RPS6KC1: variants seen among roughly 807,000 people sequenced by gnomAD.
The protein encoded by RPS6KC1 is ribosomal protein S6 kinase C1.
In RPS6KC1, 54 loss-of-function variants were observed where a neutral mutation model predicts 103.8. The ratio of observed to expected loss-of-function variants is 0.52; its 90% confidence interval spans 0.42 to 0.65. The LOEUF is 0.65. Among genes scored for constraint, RPS6KC1 ranks in the 30% least tolerant of loss-of-function variants. The pLI, the probability that RPS6KC1 is intolerant of heterozygous loss-of-function variation, is 0.00. For missense variants in RPS6KC1, 1,151 were observed against 1,253.8 expected (o/e 0.92, Z 1.24); for synonymous variants, 439 against 438.7 (o/e 1.00, Z -0.01).
chr1:213,059,244 A>C (rs1390904279), intron 1 of RPS6KC1, among the ~76,000 whole-genome samples: 1 of 152,220 alleles, frequency 6.6e-6, no homozygotes, highest in Non-Finnish European at 1.5e-5. Context: ...ACTTTTTAGT[A>C]GAATTCTTGG....
the RPS6KC1 span, among the ~76,000 whole-genome samples, chr1:213,601,160 G>C: frequency 6.6e-6 from 1 of 152,004 alleles, no homozygotes; most frequent in Non-Finnish European, 1.5e-5. Flanking sequence ...ACAAAGATCT[G>C]ATTCAATCAA....
At chr1:213,684,494 TG>T in the RPS6KC1 span, among the ~76,000 whole-genome samples, 1 of 152,156 alleles carries the variant, frequency 6.6e-6, no homozygotes, top group East Asian at 1.9e-4. Context: ...TCTCAACCCC[TG>T]TAGTTGTTTT....
At chr1:213,426,472 A>G in the RPS6KC1 span, among the ~76,000 whole-genome samples, 1 of 152,176 alleles carries the variant, frequency 6.6e-6, no homozygotes, top group Non-Finnish European at 1.5e-5. Flanking sequence ...TTCCCCCGTA[A>G]CTAGAGTAGC....
the RPS6KC1 span, among the ~76,000 whole-genome samples, chr1:213,476,649 T>G: frequency 1.2e-4 from 18 of 152,200 alleles, no homozygotes; most frequent in African/African-American, 3.6e-4. Flanking sequence ...ATGTTTTAAC[T>G]CAGCCAGAGA....
chr1:213,261,537 A>G (rs748763452), intron 12 of RPS6KC1, 21 bp from the exon 13 acceptor site: 2 of 1,608,898 alleles, frequency 1.2e-6, no homozygotes, highest in South Asian at 2.2e-5. Context: ...TTTTAATATC[A>G]ACCTTTTTTG....
intron 8 of RPS6KC1, chr1:213,205,194 C>T (rs1278648935): frequency 1.0e-6 from 1 of 959,834 alleles, no homozygotes; most frequent in Non-Finnish European, 1.2e-6. Flanking sequence ...AAGTTGCTAT[C>T]ACAATGTACT....
the RPS6KC1 span, among the ~76,000 whole-genome samples, chr1:213,785,344 A>G: frequency 1.3e-5 from 2 of 152,152 alleles, no homozygotes; most frequent in African/African-American, 4.8e-5. Flanking sequence ...TGGTCTCCAG[A>G]TGAAGGAGAG....
At chr1:213,506,034 A>G in the RPS6KC1 span, among the ~76,000 whole-genome samples, 11 of 152,134 alleles carry the variant, frequency 7.2e-5, no homozygotes, top group Non-Finnish European at 1.5e-4. Flanking sequence ...CCACACTTCT[A>G]TCCAGCTGGA....
the RPS6KC1 span, among the ~76,000 whole-genome samples, chr1:213,368,718 C>T: frequency 1.3e-5 from 2 of 152,296 alleles, no homozygotes; most frequent in East Asian, 3.9e-4. Context: ...GGCTTGCTGT[C>T]TCCTTCTTGC....
chr1:213,719,502 C>A, the RPS6KC1 span, among the ~76,000 whole-genome samples: 1 of 152,188 alleles, frequency 6.6e-6, no homozygotes, highest in Non-Finnish European at 1.5e-5. Flanking sequence ...ATATAAAACA[C>A]TGAAGCAAAA....
the RPS6KC1 span, among the ~76,000 whole-genome samples, chr1:213,506,097 AT>A: frequency 6.6e-6 from 1 of 152,094 alleles, no homozygotes; most frequent in Non-Finnish European, 1.5e-5. Context: ...ACTGGGGTAA[AT>A]TCTCTCAGAA....
At chr1:213,253,969 T>C (rs891300863) in intron 12 of RPS6KC1, among the ~76,000 whole-genome samples, 2 of 152,172 alleles carry the variant, frequency 1.3e-5, no homozygotes, top group African/African-American at 4.8e-5. Flanking sequence ...TATAAAACTT[T>C]GTTATTCTGT....
the RPS6KC1 span, among the ~76,000 whole-genome samples, chr1:213,757,870 T>G: frequency 3.3e-5 from 5 of 152,182 alleles, no homozygotes; most frequent in Non-Finnish European, 7.3e-5. Flanking sequence ...CTGAAAATCA[T>G]AGGGCCCTTA....
chr1:213,660,462 A>G, the RPS6KC1 span, among the ~76,000 whole-genome samples: 1 of 152,224 alleles, frequency 6.6e-6, no homozygotes, highest in South Asian at 2.1e-4. Flanking sequence ...CCATTTAGAA[A>G]AACAAGCCCC....
intron 4 of RPS6KC1, among the ~76,000 whole-genome samples, chr1:213,107,185 G>A (rs374235286): frequency 1.5e-4 from 23 of 152,092 alleles, no homozygotes; most frequent in African/African-American, 5.1e-4. Flanking sequence ...CAAGTGATCC[G>A]CCTGCTTCAG....
chr1:213,433,658 G>T, the RPS6KC1 span, among the ~76,000 whole-genome samples: 1 of 152,190 alleles, frequency 6.6e-6, no homozygotes, highest in African/African-American at 2.4e-5. Flanking sequence ...TGTTTTTGAT[G>T]ATAGCGATTA....
the RPS6KC1 span, among the ~76,000 whole-genome samples, chr1:213,611,977 C>T: frequency 2.0e-5 from 3 of 152,154 alleles, no homozygotes; most frequent in African/African-American, 7.2e-5. Flanking sequence ...GTGCAGAAAC[C>T]AGATGGATAG....
chr1:213,563,970 C>A, the RPS6KC1 span, among the ~76,000 whole-genome samples: 1 of 74,144 alleles, frequency 1.3e-5, no homozygotes, highest in Non-Finnish European at 3.5e-5. Context: ...TTTTGCTTAC[C>A]TCTTTTTTTT....
chr1:213,784,627 G>T, the RPS6KC1 span, among the ~76,000 whole-genome samples: 1 of 152,164 alleles, frequency 6.6e-6, no homozygotes, highest in Non-Finnish European at 1.5e-5. Flanking sequence ...TGGCAGAGCT[G>T]GACTGAGACT....
Sources: gnomAD v4.1 joint callset for allele counts (sites outside exome capture counted in the v4.1 genomes callset) on GRCh38, gnomAD v4.1.1 for gene constraint, MANE v1.5 for transcripts, NCBI Gene and HGNC (gene_info 2026-07-23, HGNC 2026-07-21) for gene names.